Variants in KCNH7 observed in about 807,000 individuals in gnomAD.
KCNH7 encodes potassium voltage-gated channel subfamily H member 7.
A neutral mutation model predicts 120.8 loss-of-function variants in KCNH7; 49 were observed. The ratio of observed to expected loss-of-function variants is 0.41; its 90% CI spans 0.32 to 0.51. The LOEUF (loss-of-function observed/expected upper bound fraction) is 0.51. Ranked by LOEUF, KCNH7 falls within the 20% of genes least tolerant of loss-of-function variation. The probability of loss-of-function intolerance (pLI) is 0.38; values close to 1 mark genes in which losing one functional copy is unlikely to be tolerated. For synonymous variants in KCNH7, 547 were observed against 516.1 expected, an observed-to-expected ratio of 1.06 and a Z score of -0.81; for missense variants, 1,097 against 1,446.6, an observed-to-expected ratio of 0.76 and a Z score of 3.92.
At chr2:162,470,341 C>A (rs184680247) in intron 6 of KCNH7, among the ~76,000 whole-genome samples, 8,602 of 149,938 alleles carry the variant, frequency 0.057, 251 homozygotes, top group African/African-American at 0.066. Context: ...ATGTGAGGAG[C>A]GCCTCTGCCC....
chr2:162,717,981 T>G (rs1323741837), intron 2 of KCNH7, among the ~76,000 whole-genome samples: 1 of 151,984 alleles, frequency 6.6e-6, no homozygotes, highest in East Asian at 1.9e-4. Context: ...CCATTTAACT[T>G]CTCACATCAT....
In KCNH7 at chr2:162,616,699, A is replaced by G. The variant is rs568074289; in HGVS notation, c.308-79619T>C. On this transcript the variant is annotated intron_variant, in intron 2 of 15. Coordinates refer to ENST00000332142, the MANE Select transcript of KCNH7 (RefSeq NM_033272.4). Reference sequence around the variant, plus strand: ...CAGGATGAAAAACAAGTAGCAGAGAAATGGAAATTCTATAAAAGTCATTAG... The same window carrying G: ...CAGGATGAAAAACAAGTAGCAGAGAGATGGAAATTCTATAAAAGTCATTAG... Among the ~76,000 whole-genome samples the G allele has an allele frequency of 1.5e-4, 23 of 152,320 alleles. No individual in the cohort carries two copies. In the South Asian group the frequency reaches 4.1e-3, roughly 27 times the overall value.
chr2:162,542,033 A>C (rs983307892), intron 2 of KCNH7, among the ~76,000 whole-genome samples: 10 of 152,066 alleles, frequency 6.6e-5, no homozygotes, highest in African/African-American at 2.2e-4. Context: ...TGTCCAGAGC[A>C]CACAGACATG....
intron 2 of KCNH7, among the ~76,000 whole-genome samples, chr2:162,708,016 C>T (rs926283427): frequency 6.6e-6 from 1 of 151,886 alleles, no homozygotes; most frequent in Non-Finnish European, 1.5e-5. Flanking sequence ...ATTTCTCTTG[C>T]CTACCCTATT....
At chr2:162,726,721 A>G (rs368740566) in intron 2 of KCNH7, among the ~76,000 whole-genome samples, 117 of 152,186 alleles carry the variant, frequency 7.7e-4, no homozygotes, top group South Asian at 1.9e-3. Context: ...CACCCAGCCT[A>G]TTATTCTTTT....
chr2:162,484,174 G>C (rs1477142547), intron 6 of KCNH7, among the ~76,000 whole-genome samples: 1 of 151,854 alleles, frequency 6.6e-6, no homozygotes, highest in Non-Finnish European at 1.5e-5. Flanking sequence ...AGCAGAACTA[G>C]ACCAAATTTA....
intron 6 of KCNH7, among the ~76,000 whole-genome samples, chr2:162,470,928 G>A (rs941298680): frequency 6.6e-6 from 1 of 152,218 alleles, no homozygotes; most frequent in Non-Finnish European, 1.5e-5. Flanking sequence ...TTGGGATCCT[G>A]TTGATCTCTG....
chr2:162,754,745 G>A (rs879934263), intron 2 of KCNH7, among the ~76,000 whole-genome samples: 12 of 152,144 alleles, frequency 7.9e-5, no homozygotes, highest in Non-Finnish European at 1.5e-4. Context: ...CCAGCAGGAA[G>A]TAATGTCCTT....
chr2:162,425,537 A>G (rs553146531), intron 8 of KCNH7, among the ~76,000 whole-genome samples: 2 of 152,308 alleles, frequency 1.3e-5, no homozygotes, highest in Non-Finnish European at 2.9e-5. Flanking sequence ...ATCCAAGGAG[A>G]TTCATGTGAA....
At chr2:162,556,089 G>T (rs952839644) in intron 2 of KCNH7, among the ~76,000 whole-genome samples, 1 of 151,918 alleles carries the variant, frequency 6.6e-6, no homozygotes, top group East Asian at 1.9e-4. Flanking sequence ...CAAAAATTGA[G>T]TTGAAAACTG....
intron 2 of KCNH7, among the ~76,000 whole-genome samples, chr2:162,635,746 T>C (rs1683931776): frequency 6.6e-6 from 1 of 152,068 alleles, no homozygotes; most frequent in African/African-American, 2.4e-5. Flanking sequence ...ACTGACAAAA[T>C]TTTCAGCGAG....
chr2:162,652,253 A>C (rs1184685805), intron 2 of KCNH7, among the ~76,000 whole-genome samples: 1 of 152,148 alleles, frequency 6.6e-6, no homozygotes, highest in Non-Finnish European at 1.5e-5. Flanking sequence ...AAAAATCTAA[A>C]CTTTTGAAGC....
At chr2:162,441,824 C>CT (rs1252626410) in intron 7 of KCNH7, among the ~76,000 whole-genome samples, 3 of 151,782 alleles carry the variant, frequency 2.0e-5, no homozygotes. Flanking sequence ...AATAGAGAAT[C>CT]TTTTTATTGT....
At chr2:162,556,775 C>T in intron 2 of KCNH7, among the ~76,000 whole-genome samples, 1 of 152,148 alleles carries the variant, frequency 6.6e-6, no homozygotes, top group East Asian at 1.9e-4. Context: ...TGGACTTCCA[C>T]AGTAAATTGC....
intron 7 of KCNH7, among the ~76,000 whole-genome samples, chr2:162,441,128 A>G (rs1307992706): frequency 1.3e-5 from 2 of 152,116 alleles, no homozygotes; most frequent in Non-Finnish European, 2.9e-5. Flanking sequence ...GCCAATAGAA[A>G]CTTCTGTCTA....
At chr2:162,583,523 G>A (rs1053987309) in intron 2 of KCNH7, among the ~76,000 whole-genome samples, 3 of 151,754 alleles carry the variant, frequency 2.0e-5, no homozygotes, top group African/African-American at 7.3e-5. Context: ...TCTTAAATAC[G>A]ACTAATACAT....
chr2:162,436,755 C>T (rs1435396744), intron 7 of KCNH7, among the ~76,000 whole-genome samples: 2 of 152,078 alleles, frequency 1.3e-5, no homozygotes, highest in African/African-American at 2.4e-5. Flanking sequence ...ATAACTACCA[C>T]ACCCTATGTA....
At chr2:162,753,008 GAAAAGAAAAGAAA>G (rs1207299985) in intron 2 of KCNH7, among the ~76,000 whole-genome samples, 4 of 147,224 alleles carry the variant, frequency 2.7e-5, no homozygotes, top group South Asian at 4.3e-4. Context: ...GAAAAGAAAA[GAAAAGAAAAGAAA>G]AGAAAAGAAA....
At chr2:162,438,731 C>T (rs548646051) in intron 7 of KCNH7, among the ~76,000 whole-genome samples, 9 of 152,184 alleles carry the variant, frequency 5.9e-5, no homozygotes, top group South Asian at 4.2e-4. Flanking sequence ...TATCAAATTG[C>T]GGCTAACACA....
Sources: allele counts gnomAD v4.1 joint callset (sites outside exome capture counted in the v4.1 genomes callset), GRCh38; gene constraint gnomAD v4.1.1; transcripts MANE v1.5; gene names NCBI Gene and HGNC (gene_info 2026-07-23, HGNC 2026-07-21).